SPATA16: variants seen among roughly 807,000 people sequenced by gnomAD.
SPATA16 encodes spermatogenesis associated 16.
Under a neutral mutation model 63.3 loss-of-function variants are expected in SPATA16, and 36 were observed. The ratio of observed to expected loss-of-function variants is 0.57; its 90% CI spans 0.44 to 0.75. The LOEUF (loss-of-function observed/expected upper bound fraction) is 0.75. SPATA16 is among the 30% of genes least tolerant of loss of function. The probability of loss-of-function intolerance (pLI) is 0.00; values close to 1 mark genes in which losing one functional copy is unlikely to be tolerated. For synonymous variants in SPATA16, 203 were observed against 216.7 expected (o/e 0.94, Z 0.56); for missense variants, 646 against 679.3 (o/e 0.95, Z 0.54).
intron 10 of SPATA16, among the ~76,000 whole-genome samples, chr3:172,910,157 G>A (rs1368365068): frequency 3.4e-5 from 5 of 148,488 alleles, no homozygotes; most frequent in East Asian, 4.0e-4. Flanking sequence ...GCAGTGGTGC[G>A]ATCTTGGCTC....
chr3:173,008,073 C>T (rs925518499), intron 4 of SPATA16, among the ~76,000 whole-genome samples: 2 of 151,836 alleles, frequency 1.3e-5, no homozygotes, highest in East Asian at 1.9e-4. Context: ...TTCAAATTTT[C>T]GAAAACGAAA....
chr3:173,000,833 A>G (rs1393813681), intron 4 of SPATA16, among the ~76,000 whole-genome samples: 3 of 149,690 alleles, frequency 2.0e-5, no homozygotes, highest in African/African-American at 7.4e-5. Context: ...CATCAGAGAC[A>G]CTCTTCATTT....
intron 1 of SPATA16, among the ~76,000 whole-genome samples, chr3:173,130,133 C>A (rs774602895): frequency 6.6e-6 from 1 of 151,880 alleles, no homozygotes; most frequent in African/African-American, 2.4e-5. Flanking sequence ...GGGGTCGAGG[C>A]GGCGGATCAC....
At chr3:173,088,076 T>TTCTG (rs1176572059) in intron 2 of SPATA16, among the ~76,000 whole-genome samples, 4 of 120,124 alleles carry the variant, frequency 3.3e-5, no homozygotes, top group African/African-American at 1.1e-4. Context: ...CTTTCTTTCT[T>TTCTG]TCTGTCTTTT....
intron 3 of SPATA16, among the ~76,000 whole-genome samples, chr3:173,036,957 A>G (rs1259358732): frequency 6.6e-6 from 1 of 152,080 alleles, no homozygotes; most frequent in Non-Finnish European, 1.5e-5. Context: ...TGTCATTTCT[A>G]TATGGCAGAT....
intron 9 of SPATA16, 83 bp downstream of exon 9, chr3:172,916,234 T>G: frequency 8.3e-7 from 1 of 1,201,584 alleles, no homozygotes; most frequent in South Asian, 1.4e-5. Flanking sequence ...CCACAGGATT[T>G]TTTTTTTTTT....
chr3:173,077,203 T>A (rs973987791), intron 2 of SPATA16, among the ~76,000 whole-genome samples: 4 of 152,212 alleles, frequency 2.6e-5, no homozygotes, highest in Admixed American at 6.5e-5. Context: ...CTTTTCTGTA[T>A]CTTTCTACAC....
At chr3:172,980,197 G>C (rs1243177762) in intron 4 of SPATA16, among the ~76,000 whole-genome samples, 2 of 152,226 alleles carry the variant, frequency 1.3e-5, no homozygotes, top group Non-Finnish European at 2.9e-5. Flanking sequence ...TTTTCATCGT[G>C]CTGAATTTAT....
At chr3:173,008,741 ATAGGAATAG>A (rs1734996120) in intron 4 of SPATA16, among the ~76,000 whole-genome samples, 1 of 152,158 alleles carries the variant, frequency 6.6e-6, no homozygotes, top group African/African-American at 2.4e-5. Context: ...AATTGTATTC[ATAGGAATAG>A]TAATAGAATA....
At chr3:173,114,739 A>G (rs1737849513) in intron 2 of SPATA16, among the ~76,000 whole-genome samples, 1 of 152,160 alleles carries the variant, frequency 6.6e-6, no homozygotes, top group Non-Finnish European at 1.5e-5. Flanking sequence ...CGTCCATCCT[A>G]TCTTATTCAA....
rs1734208351 is a variant in SPATA16 at position 172,978,126 on chromosome 3, T to G, written c.849-1074A>C. On this transcript the variant is annotated intron_variant, in intron 4 of 10. Coordinates refer to ENST00000351008, the MANE Select transcript of SPATA16 (RefSeq NM_031955.6). ...CCAACTGGAGGATTATTCAGCTCTCTCTCTCTCTCTCCCTCTCTCTCTCTC... is the reference window on the plus strand; with the variant it reads ...CCAACTGGAGGATTATTCAGCTCTCGCTCTCTCTCTCCCTCTCTCTCTCTC... 2.7e-5 allele frequency among the ~76,000 whole-genome samples: 4 copies of G among 150,194 alleles called. No individual in the cohort carries two copies. In the South Asian group the frequency reaches 8.4e-4, roughly 31 times the overall value.
chr3:172,931,299 A>C (rs1256508195), intron 6 of SPATA16, among the ~76,000 whole-genome samples: 3 of 152,264 alleles, frequency 2.0e-5, no homozygotes, highest in East Asian at 3.9e-4. Flanking sequence ...GGAGTGCAGT[A>C]ATGCAATCAT....
chr3:173,000,355 T>C (rs934352804), intron 4 of SPATA16, among the ~76,000 whole-genome samples: 2 of 152,218 alleles, frequency 1.3e-5, no homozygotes, highest in Non-Finnish European at 2.9e-5. Flanking sequence ...TAGACTGAGA[T>C]AGTGATTTTT....
chr3:172,910,057 GA>G (rs1732333097), intron 10 of SPATA16, among the ~76,000 whole-genome samples: 1 of 151,218 alleles, frequency 6.6e-6, no homozygotes, highest in Admixed American at 6.6e-5. Context: ...ATTTTTTTGG[GA>G]GAGGTAATGC....
intron 2 of SPATA16, among the ~76,000 whole-genome samples, chr3:173,111,436 A>C (rs1286838934): frequency 6.6e-6 from 1 of 152,066 alleles, no homozygotes; most frequent in Non-Finnish European, 1.5e-5. Flanking sequence ...ACAATAACAA[A>C]ATGCCTGGAA....
chr3:173,057,158 C>T (rs1285034844), intron 2 of SPATA16, among the ~76,000 whole-genome samples: 1 of 149,562 alleles, frequency 6.7e-6, no homozygotes, highest in African/African-American at 2.5e-5. Flanking sequence ...GTGGCCCAGG[C>T]TGGAGTGCAG....
intron 1 of SPATA16, among the ~76,000 whole-genome samples, chr3:173,136,482 T>G (rs1174998433): frequency 6.6e-6 from 1 of 152,124 alleles, no homozygotes; most frequent in African/African-American, 2.4e-5. Context: ...CCCTCAAGGA[T>G]TTATCCTTTG....
intron 1 of SPATA16, among the ~76,000 whole-genome samples, chr3:173,128,532 G>A (rs1413500284): frequency 2.6e-5 from 4 of 152,140 alleles, no homozygotes; most frequent in African/African-American, 7.2e-5. Context: ...GTAATGCATA[G>A]GAATTTGCAT....
intron 10 of SPATA16, 54 bp downstream of exon 10, chr3:172,913,607 A>G: frequency 6.4e-7 from 1 of 1,559,904 alleles, no homozygotes; most frequent in Non-Finnish European, 8.8e-7. Flanking sequence ...TTGACCCAAA[A>G]TGGACATTTT....
Sources: gnomAD v4.1 joint callset for allele counts (sites outside exome capture counted in the v4.1 genomes callset) on GRCh38, gnomAD v4.1.1 for gene constraint, MANE v1.5 for transcripts, NCBI Gene and HGNC (gene_info 2026-07-23, HGNC 2026-07-21) for gene names.